CTNNA3: variants seen among roughly 807,000 people sequenced by gnomAD.
The protein encoded by CTNNA3 is catenin alpha 3, also known as catenin alpha-3.
Under a neutral mutation model 95.7 loss-of-function variants are expected in CTNNA3, and 76 were observed. The ratio of observed to expected loss-of-function variants is 0.79; its 90% CI spans 0.66 to 0.96. The LOEUF is 0.96. Ranked by LOEUF, CTNNA3 falls within the 40% of genes least tolerant of loss-of-function variation. The pLI, the probability that CTNNA3 is intolerant of heterozygous loss-of-function variation, is 0.00. For missense variants in CTNNA3, 1,191 were observed against 1,089.8 expected, an observed-to-expected ratio of 1.09 and a Z score of -1.31; for synonymous variants, 431 against 374.4, an observed-to-expected ratio of 1.15 and a Z score of -1.74.
chr10:67,288,354 T>C (rs1041122667), intron 5 of CTNNA3, among the ~76,000 whole-genome samples: 1 of 152,098 alleles, frequency 6.6e-6, no homozygotes, highest in Non-Finnish European at 1.5e-5. Context: ...TTAAAGAAAA[T>C]CTTCTTAGCA....
At position 66,766,394 on chromosome 10, in the gene CTNNA3, TG is replaced by T; in HGVS notation, c.1150del (p.His384MetfsTer28). The T allele has an allele frequency of 1.2e-6, 2 of 1,613,690 alleles. No homozygotes were observed. Among genetic ancestry groups the T allele is most frequent in the Non-Finnish European group, 1.7e-6 (2 of 1,179,786 alleles). On this transcript the variant is annotated frameshift_variant, in exon 9 of 18. Transcript: ENST00000433211. LOFTEE classifies it high-confidence loss of function. ...RRQLRKAIID[H>X]VSDSFLDTTV... ...CGTATCCAGGAAAGAGTCTGACACA[TG>T]ATCTATAATAGCCTTGCGGAGCTGA...
At chr10:66,765,501 G>A (rs116850854) in intron 9 of CTNNA3, among the ~76,000 whole-genome samples, 10 of 152,246 alleles carry the variant, frequency 6.6e-5, no homozygotes, top group Non-Finnish European at 7.4e-5. Flanking sequence ...GAGATCTATG[G>A]ATCTAGTAGA....
chr10:66,668,577 C>T (rs1416439787), intron 9 of CTNNA3, among the ~76,000 whole-genome samples: 1 of 151,902 alleles, frequency 6.6e-6, no homozygotes, highest in East Asian at 1.9e-4. Context: ...CTTTGGGAGG[C>T]CGAGGTGGGC....
At chr10:67,445,975 A>C (rs1846729375) in intron 5 of CTNNA3, among the ~76,000 whole-genome samples, 2 of 152,158 alleles carry the variant, frequency 1.3e-5, no homozygotes, top group African/African-American at 2.4e-5. Context: ...CAGAGAGAAA[A>C]GATAAAAGGG....
intron 9 of CTNNA3, among the ~76,000 whole-genome samples, chr10:66,669,491 G>A (rs1328495542): frequency 2.6e-5 from 4 of 151,154 alleles, no homozygotes; most frequent in Non-Finnish European, 5.9e-5. Context: ...GCAGTGAGCC[G>A]AGATCACACC....
At chr10:66,771,884 C>A (rs1840099750) in intron 8 of CTNNA3, among the ~76,000 whole-genome samples, 1 of 152,016 alleles carries the variant, frequency 6.6e-6, no homozygotes, top group African/African-American at 2.4e-5. Context: ...CTGTAATATG[C>A]ACATGCTGTA....
intron 5 of CTNNA3, among the ~76,000 whole-genome samples, chr10:67,326,190 C>T (rs530096407): frequency 6.6e-6 from 1 of 152,178 alleles, no homozygotes; most frequent in Non-Finnish European, 1.5e-5. Context: ...ACTTGCCACT[C>T]TGTGCCTTTT....
intron 8 of CTNNA3, among the ~76,000 whole-genome samples, chr10:66,772,049 C>G (rs904991161): frequency 4.0e-5 from 6 of 151,856 alleles, no homozygotes; most frequent in African/African-American, 1.2e-4. Flanking sequence ...CTGTACAAGT[C>G]ATATGTACAA....
chr10:66,292,472 C>T (rs1421305314), intron 12 of CTNNA3, among the ~76,000 whole-genome samples: 1 of 152,096 alleles, frequency 6.6e-6, no homozygotes, highest in Non-Finnish European at 1.5e-5. Flanking sequence ...GAATCAGTTG[C>T]TGTGAATTTC....
rs1564646044 is a variant in CTNNA3, at chr10:66,103,253, T to C, written c.1885-4A>G. The C allele has an allele frequency of 3.1e-6, 5 of 1,612,380 alleles. No individual in the cohort carries two copies. Among genetic ancestry groups the C allele is most frequent in the East Asian group, 2.2e-5 (1 of 44,846 alleles). ...CATCCTCCAGTTCCTCTGGGGTCTATAAAAAGAAAGCAAAACATTGCTAGT... is the reference window on the plus strand; with the variant it reads ...CATCCTCCAGTTCCTCTGGGGTCTACAAAAAGAAAGCAAAACATTGCTAGT... On this transcript the variant is annotated splice_polypyrimidine_tract_variant and splice_region_variant and intron_variant, in intron 13 of 17. Transcript: ENST00000433211.
intron 7 of CTNNA3, among the ~76,000 whole-genome samples, chr10:66,837,002 A>T (rs1842907373): frequency 6.6e-6 from 1 of 152,144 alleles, no homozygotes; most frequent in African/African-American, 2.4e-5. Context: ...CCTTTGAATA[A>T]TCAAAAGGTG....
intron 11 of CTNNA3, among the ~76,000 whole-genome samples, chr10:66,382,984 G>A (rs1348896714): frequency 6.6e-6 from 1 of 152,132 alleles, no homozygotes; most frequent in East Asian, 1.9e-4. Flanking sequence ...ACAAAGATGG[G>A]AAGAAACCAG....
Position 67,244,250 on chromosome 10 carries a change from T to G in CTNNA3, c.580-24380A>C, listed in dbSNP as rs572953230. ...ACCAGTGATGATGGTTTTTAATCAC[T>G]TATAAGAAGGTGTGTCTTTCAGAAC... On this transcript the variant is annotated intron_variant, in intron 5 of 17. Transcript: ENST00000433211. Among the ~76,000 whole-genome samples, 12 of 152,320 alleles carry G rather than the reference T, an allele frequency of 7.9e-5. 1 individual carries two copies. In the South Asian group the frequency reaches 2.1e-3, roughly 26 times the overall value.
chr10:67,220,379 T>C (rs1364513558), intron 5 of CTNNA3, among the ~76,000 whole-genome samples: 5 of 152,232 alleles, frequency 3.3e-5, no homozygotes, highest in Admixed American at 2.6e-4. Context: ...CTTTCTTTGA[T>C]ATTTATTCAA....
chr10:66,615,792 C>T (rs1026809372), intron 10 of CTNNA3, among the ~76,000 whole-genome samples: 1 of 151,900 alleles, frequency 6.6e-6, no homozygotes, highest in Non-Finnish European at 1.5e-5. Flanking sequence ...GCAAATGTCC[C>T]TCTCAACTCC....
At chr10:67,034,015 G>T (rs980355296) in intron 7 of CTNNA3, among the ~76,000 whole-genome samples, 2 of 152,076 alleles carry the variant, frequency 1.3e-5, no homozygotes, top group African/African-American at 4.8e-5. Context: ...CAAGAGATCC[G>T]CCTGCCTCGG....
At chr10:67,126,474 C>G (rs1859727751) in intron 7 of CTNNA3, among the ~76,000 whole-genome samples, 1 of 152,222 alleles carries the variant, frequency 6.6e-6, no homozygotes, top group Non-Finnish European at 1.5e-5. Flanking sequence ...CAAGATTGTG[C>G]CATTGCACTT....
intron 9 of CTNNA3, among the ~76,000 whole-genome samples, chr10:66,708,757 C>T (rs1277155315): frequency 6.6e-6 from 1 of 152,064 alleles, no homozygotes; most frequent in Admixed American, 6.6e-5. Context: ...ACCACCTAGG[C>T]AATGCTGAAA....
intron 9 of CTNNA3, among the ~76,000 whole-genome samples, chr10:66,736,813 G>A (rs1024100629): frequency 2.0e-5 from 3 of 151,986 alleles, no homozygotes; most frequent in Admixed American, 2.0e-4. Context: ...CAATTTTTGA[G>A]TTTTCAAATA....
Sources: allele counts gnomAD v4.1 joint callset (sites outside exome capture counted in the v4.1 genomes callset), GRCh38; gene constraint gnomAD v4.1.1; transcripts MANE v1.5; gene names NCBI Gene and HGNC (gene_info 2026-07-23, HGNC 2026-07-21).